PGK1: variants seen among roughly 807,000 people sequenced by gnomAD.
The protein encoded by PGK1 is phosphoglycerate kinase 1.
Under a neutral mutation model 26.9 loss-of-function variants are expected in PGK1, and 3 were observed. The ratio of observed to expected loss-of-function variants is 0.11; its 90% confidence interval spans 0.05 to 0.29. The LOEUF (loss-of-function observed/expected upper bound fraction) is 0.29, where lower values mean the gene tolerates loss of function less well. Among genes scored for constraint, PGK1 ranks in the 10% least tolerant of loss-of-function variants. The pLI is 1.00. For synonymous variants in PGK1, 125 were observed against 115.3 expected (o/e 1.08, Z -0.54); for missense variants, 270 against 314.7 (o/e 0.86, Z 1.07).
intron 1 of PGK1, among the ~76,000 whole-genome samples, chrX:78,105,105 G>C (rs961881083): frequency 9.8e-5 from 11 of 112,223 alleles, no homozygotes; most frequent in African/African-American, 3.6e-4. Flanking sequence ...ATACTTGCTG[G>C]CCTCCAATCT....
intron 6 of PGK1, among the ~76,000 whole-genome samples, chrX:78,122,080 C>T (rs1251554488): frequency 9.0e-6 from 1 of 110,799 alleles, no homozygotes; most frequent in African/African-American, 3.3e-5. Flanking sequence ...TAGTGTTGTA[C>T]GCCTGTGGTC....
chrX:78,113,120 T>C (rs1557247027), intron 2 of PGK1, among the ~76,000 whole-genome samples: 1 of 110,897 alleles, frequency 9.0e-6, no homozygotes, highest in Non-Finnish European at 1.9e-5. Flanking sequence ...GACAACATGG[T>C]AAAACCCCTA....
chrX:78,109,962 G>C, intron 2 of PGK1, 45 bp downstream of exon 2: 1 of 815,996 alleles, frequency 1.2e-6, no homozygotes, highest in Non-Finnish European at 1.9e-6. Context: ...GATGTGTGTA[G>C]GTACACAGGA....
At position 78,125,725 on chromosome X, in the gene PGK1, G is replaced by A. The variant is rs782604531; in HGVS notation, c.1214-65G>A. 1.1e-4 allele frequency: 100 copies of A among 939,363 alleles called. No individual in the cohort carries two copies. The South Asian group carries it at 1.9e-3, about 18-fold the overall frequency. 77.4% of individuals were successfully genotyped at this position (939,363 alleles called of 1,213,427 possible). On this transcript the variant is annotated intron_variant, in intron 10 of 10. Transcript: ENST00000373316. Reference sequence around the variant, plus strand: ...GCATGTTATTGGGAAGATAAAGTGGGGGAAATCTGGCTTACTGGGCCCTAT... The same window carrying A: ...GCATGTTATTGGGAAGATAAAGTGGAGGAAATCTGGCTTACTGGGCCCTAT...
chrX:78,122,409 T>TTGTGTG (rs201442984), intron 6 of PGK1, among the ~76,000 whole-genome samples: 1,752 of 88,903 alleles, frequency 0.02, 42 homozygotes, highest in African/African-American at 0.069. Flanking sequence ...TGCTCTGAAT[T>TTGTGTG]TGTGTGTGTG....
At chrX:78,123,853 T>G (rs2078369366) in intron 8 of PGK1, among the ~76,000 whole-genome samples, 3 of 111,240 alleles carry the variant, frequency 2.7e-5, no homozygotes, top group Non-Finnish European at 3.8e-5. Context: ...ATGATCCACC[T>G]GCTGCGGCCT....
intron 8 of PGK1, 29 bp downstream of exon 8, chrX:78,123,403 G>A (rs2078366728): frequency 9.1e-7 from 1 of 1,102,373 alleles, no homozygotes; most frequent in South Asian, 1.9e-5. Flanking sequence ...TTGGTAGTGT[G>A]AGTGAACAGA....
At chrX:78,119,433 C>T (rs2078342911) in intron 6 of PGK1, among the ~76,000 whole-genome samples, 2 of 111,835 alleles carry the variant, frequency 1.8e-5, no homozygotes, top group Admixed American at 9.4e-5. Context: ...GTAGCAGTCT[C>T]TTTATGGCTG....
chrX:78,129,015 C>CAAACA lies in PGK1; in HGVS notation c.*3186_*3187insAACAA, dbSNP rs72317989. The CAAACA allele has an allele frequency of 8.1e-5, 9 of 110,647 alleles. No individual in the cohort carries two copies. The highest frequency in any genetic ancestry group is 1.5e-4 in the Non-Finnish European group (8 of 52,922). 9.1% of individuals were successfully genotyped at this position (110,647 alleles called of 1,213,427 possible). Reference sequence around the variant, plus strand: ...AGGAGATTGAGACCATCCTGGCTAACACGGTGAAACCCTGTCTCTACTAAA... The same window carrying CAAACA: ...AGGAGATTGAGACCATCCTGGCTAACAAACAACGGTGAAACCCTGTCTCTACTAAA... On this transcript the variant is annotated 3_prime_UTR_variant, in exon 11 of 11. Transcript: ENST00000373316.
chrX:78,125,464 G>A (rs1323764507), intron 10 of PGK1, 39 bp downstream of exon 10: 7 of 937,902 alleles, frequency 7.5e-6, no homozygotes, highest in African/African-American at 1.9e-5. Context: ...TGGGATAAGG[G>A]TGGACTGTGC....
intron 6 of PGK1, among the ~76,000 whole-genome samples, chrX:78,121,827 C>T (rs1259510945): frequency 8.9e-6 from 1 of 111,930 alleles, no homozygotes; most frequent in African/African-American, 3.3e-5. Context: ...TTCTCAAAGA[C>T]CTAGAATAGT....
Position 78,125,823 on chromosome X carries a change from A to G in PGK1, c.1247A>G (p.Asn416Ser). 1.7e-6 allele frequency: 2 copies of G among 1,198,545 alleles called. No individual in the cohort carries two copies. Among genetic ancestry groups the G allele is most frequent in the South Asian group, 1.8e-5 (1 of 56,682 alleles). ...CTTCCTGGGGTGGATGCTCTCAGCAATATTTAGTACTTTCCTGCCTTTTAG... is the reference window on the plus strand; with the variant it reads ...CTTCCTGGGGTGGATGCTCTCAGCAGTATTTAGTACTTTCCTGCCTTTTAG... ...KVLPGVDALS[N>S]I The change falls in exon 11 of 11, where the codon AAT becomes AGT. Residue 416 changes from asparagine to serine, a missense_variant. This residue lies in a region of PGK1 where 103 missense variants were observed against 114.6 expected (regional missense o/e 0.90). Coordinates refer to ENST00000373316, the MANE Select transcript of PGK1 (RefSeq NM_000291.4).
At chrX:78,113,423 G>C (rs782210491) in intron 2 of PGK1, among the ~76,000 whole-genome samples, 1 of 112,261 alleles carries the variant, frequency 8.9e-6, no homozygotes, top group East Asian at 2.8e-4. Context: ...GGTCTTGTCA[G>C]TTAACTTTGA....
chrX:78,112,281 A>G (rs1557246947), intron 2 of PGK1, among the ~76,000 whole-genome samples: 1 of 110,740 alleles, frequency 9.0e-6, no homozygotes, highest in African/African-American at 3.2e-5. Flanking sequence ...ATGAGAACAG[A>G]GAGTTTTTAA....
intron 6 of PGK1, among the ~76,000 whole-genome samples, chrX:78,119,753 C>A (rs1396692795): frequency 8.9e-6 from 1 of 111,789 alleles, no homozygotes; most frequent in African/African-American, 3.3e-5. Flanking sequence ...CCTTTGCCTT[C>A]CGCCACGATT....
intron 6 of PGK1, among the ~76,000 whole-genome samples, chrX:78,118,781 T>A (rs2078339050): frequency 9.1e-6 from 1 of 110,486 alleles, no homozygotes; most frequent in African/African-American, 3.3e-5. Context: ...GAGAGCTATC[T>A]GATGGGAACT....
At chrX:78,105,031 G>A (rs782013227) in intron 1 of PGK1, among the ~76,000 whole-genome samples, 1 of 112,489 alleles carries the variant, frequency 8.9e-6, no homozygotes, top group South Asian at 3.6e-4. Context: ...TTGGACTCTT[G>A]GGCACAGGAT....
intron 1 of PGK1, chrX:78,106,319 G>T (rs2078272360): frequency 1.7e-6 from 1 of 578,775 alleles, no homozygotes; most frequent in African/African-American, 2.5e-5. Context: ...CTGAATATTC[G>T]AGACAATGAC....
chrX:78,119,102 C>T (rs145168295), intron 6 of PGK1, among the ~76,000 whole-genome samples: 1 of 111,001 alleles, frequency 9.0e-6, no homozygotes, highest in Non-Finnish European at 1.9e-5. Flanking sequence ...AACTATATAA[C>T]CTGGCAGGGT....
Sources: allele counts gnomAD v4.1 joint callset (sites outside exome capture counted in the v4.1 genomes callset), GRCh38; gene constraint gnomAD v4.1.1; regional missense constraint gnomAD v4.1.1; transcripts MANE v1.5; gene names NCBI Gene and HGNC (gene_info 2026-07-23, HGNC 2026-07-21).